Variants in ST6GALNAC6 observed in about 807,000 individuals in gnomAD.
ST6GALNAC6 encodes the protein alpha-N-acetylgalactosaminide alpha-2,6-sialyltransferase 6.
In ST6GALNAC6, 19 loss-of-function variants were observed where a neutral mutation model predicts 34.3. That is an observed-to-expected ratio of 0.55 (90% confidence interval 0.39 to 0.81). ST6GALNAC6 has a LOEUF of 0.81. Among genes scored for constraint, ST6GALNAC6 ranks in the 40% least tolerant of loss-of-function variants. The pLI is 0.00. For synonymous variants in ST6GALNAC6, 185 were observed against 182.1 expected, an observed-to-expected ratio of 1.02 and a Z score of -0.13; for missense variants, 377 against 467.7, an observed-to-expected ratio of 0.81 and a Z score of 1.79.
rs1829729865 is a variant in ST6GALNAC6, at chr9:127,885,924, GGGA to G, written c.*672_*674del. ...GATAGTGGCTGGGAGGGTCCAGACG[GGGA>G]GGACAGACCCGAGGGCACTTGTAGG... On this transcript the variant is annotated 3_prime_UTR_variant, in exon 7 of 7. Coordinates refer to ENST00000373146, the MANE Select transcript of ST6GALNAC6 (RefSeq NM_013443.5). 6.6e-6 allele frequency: 1 copy of G among 152,360 alleles called. No homozygotes were observed. The highest frequency in any genetic ancestry group is 2.4e-5 in the African/African-American group (1 of 41,406). The allele number at this position is 152,360 out of a possible 1,614,324, so 9.4% of individuals were successfully genotyped here.
chr9:127,891,832 G>A (rs1588642373), intron 4 of ST6GALNAC6, among the ~76,000 whole-genome samples: 1 of 151,050 alleles, frequency 6.6e-6, no homozygotes. Context: ...ACCAAAGAGC[G>A]ACTGCAGCCA....
upstream of ST6GALNAC6, among the ~76,000 whole-genome samples, chr9:127,901,786 A>T (rs1294821889): frequency 6.6e-6 from 1 of 152,164 alleles, no homozygotes; most frequent in Admixed American, 6.5e-5. Flanking sequence ...ATACAAAATT[A>T]GCCAGGTGTG....
At position 127,887,531 on chromosome 9, in the gene ST6GALNAC6, C is replaced by T; in HGVS notation, c.765G>A (p.Leu255=). 1.2e-5 allele frequency: 19 copies of T among 1,613,104 alleles called. No homozygotes were observed. The highest frequency in any genetic ancestry group is 1.6e-5 in the Non-Finnish European group (19 of 1,179,578). ...TGCCATAGACATGCACGTGGTCACA[C>T]AACTCCACCGCGATCACCATGGTAA... The part of the protein sequence containing the change: ...GWFTMVIAVE[L]CDHVHVYGMV... The change falls in exon 6 of 7, where the codon TTG becomes TTA. Residue 255 remains leucine, a synonymous_variant. Transcript: ENST00000373146.
intron 2 of ST6GALNAC6, 48 bp from the exon 3 acceptor site, chr9:127,896,380 A>T (rs1283367516): frequency 1.3e-6 from 2 of 1,510,766 alleles, no homozygotes; most frequent in Admixed American, 3.6e-5. Context: ...CTTTGGGTCC[A>T]GCAAGCCAAA....
Position 127,886,553 on chromosome 9 carries a change from G to A in ST6GALNAC6, c.*46C>T, listed in dbSNP as rs1241157496. 11 of 1,606,866 alleles carry A rather than the reference G, an allele frequency of 6.8e-6. No homozygotes were observed. Among genetic ancestry groups the A allele is most frequent in the East Asian group, 6.7e-5 (3 of 44,770 alleles). ...GTCCCTGGCCTAGCGGCTGGGCGGA[G>A]GCTGCTTCTCCTCTGACCCTCCTGA... is the stretch of plus-strand genomic sequence containing the variant. On this transcript the variant is annotated 3_prime_UTR_variant, in exon 7 of 7. Transcript: ENST00000373146.
chr9:127,894,827 C>T (rs1588649532), intron 3 of ST6GALNAC6, 136 bp from the exon 4 acceptor site: 2 of 829,406 alleles, frequency 2.4e-6, no homozygotes, highest in East Asian at 5.2e-5. Context: ...TCCAGGAAGG[C>T]CTCCTTCAGC....
chr9:127,888,802 T>C (rs1829953993), intron 5 of ST6GALNAC6, among the ~76,000 whole-genome samples: 1 of 125,942 alleles, frequency 7.9e-6, no homozygotes, highest in Non-Finnish European at 1.7e-5. Flanking sequence ...CAAGACTCCA[T>C]CTCAAAACAA....
At chr9:127,902,390 A>ACCTAGGTGATCCGC (rs1830788788), upstream of ST6GALNAC6, among the ~76,000 whole-genome samples, 1 of 151,912 alleles carries the variant, frequency 6.6e-6, no homozygotes, top group Non-Finnish European at 1.5e-5. Flanking sequence ...CGAACTCTCG[A>ACCTAGGTGATCCGC]CCTAGGTGAT....
At chr9:127,889,659 G>A (rs1175492159) in intron 5 of ST6GALNAC6, among the ~76,000 whole-genome samples, 1 of 151,862 alleles carries the variant, frequency 6.6e-6, no homozygotes, top group African/African-American at 2.4e-5. Flanking sequence ...TGGCCAGGCT[G>A]GTCTCAAACT....
rs903009481 is a variant in ST6GALNAC6, at chr9:127,891,153, G to A, written c.298-110C>T. Reference sequence around the variant, plus strand: ...ATTGTTATGCCCATTTTAAAGACAGGGAAACTGAGCCCATTCATTCCACAT... The same window carrying A: ...ATTGTTATGCCCATTTTAAAGACAGAGAAACTGAGCCCATTCATTCCACAT... On this transcript the variant is annotated intron_variant, in intron 4 of 6. Transcript: ENST00000373146. 2.3e-6 allele frequency: 3 copies of A among 1,302,500 alleles called. No homozygotes were observed. In the African/African-American group the frequency reaches 4.5e-5, roughly 19 times the overall value. The allele number at this position is 1,302,500 out of a possible 1,614,324, so 80.7% of individuals were successfully genotyped here. A position where few individuals can be genotyped will look rare whatever the true frequency, so the allele number is the denominator to read the frequency against.
chr9:127,887,433 C>A, intron 6 of ST6GALNAC6, 51 bp downstream of exon 6: 1 of 1,489,844 alleles, frequency 6.7e-7, no homozygotes, highest in Non-Finnish European at 9.3e-7. Flanking sequence ...CTCCATCCTG[C>A]GGCCAGTGCC....
intron 2 of ST6GALNAC6, among the ~76,000 whole-genome samples, chr9:127,896,679 C>T (rs1830475827): frequency 6.6e-6 from 1 of 152,210 alleles, no homozygotes; most frequent in Non-Finnish European, 1.5e-5. Context: ...CCTTGGGTCC[C>T]TGTGGTGTCA....
At chr9:127,899,447 C>G in intron 1 of ST6GALNAC6, 56 bp downstream of exon 1, 1 of 805,798 alleles carries the variant, frequency 1.2e-6, no homozygotes, top group East Asian at 1.3e-4. Flanking sequence ...CCCTCCGCCC[C>G]AGCCCCCGCC....
intron 5 of ST6GALNAC6, among the ~76,000 whole-genome samples, chr9:127,888,046 G>A (rs749403995): frequency 7.2e-5 from 11 of 152,180 alleles, no homozygotes; most frequent in Non-Finnish European, 1.6e-4. Context: ...CACTACAGTG[G>A]CCACCAGCCA....
Position 127,886,749 on chromosome 9 carries a change from G to T in ST6GALNAC6, c.852C>A (p.Tyr284Ter). Reference sequence around the variant, plus strand: ...CACATTCGTCCGGCCCCTTGGGCTCGTAGTAGTGGTAGGGCATGCGCTGGA... The same window carrying T: ...CACATTCGTCCGGCCCCTTGGGCTCTTAGTAGTGGTAGGGCATGCGCTGGA... ...PRLQRMPYHY[Y>*]EPKGPDECVT... Residue 284 changes from tyrosine to a stop codon, truncating the protein, a stop_gained, in exon 7 of 7, where the codon TAC becomes TAA. Transcript: ENST00000373146. LOFTEE classifies it high-confidence loss of function. The T allele has an allele frequency of 6.2e-7, 1 of 1,612,736 alleles. No homozygotes were observed. The highest frequency in any genetic ancestry group is 1.1e-5 in the South Asian group (1 of 91,008).
upstream of ST6GALNAC6, chr9:127,905,996 C>T: frequency 3.0e-6 from 3 of 985,706 alleles, no homozygotes; most frequent in Non-Finnish European, 3.6e-6. Context: ...CCAGCCTGCT[C>T]CTTGCTTCGC....
Position 127,886,456 on chromosome 9 carries a change from G to A in ST6GALNAC6, c.*143C>T. The A allele has an allele frequency of 6.9e-7, 1 of 1,450,914 alleles. No homozygotes were observed. The highest frequency in any genetic ancestry group is 2.8e-5 in the Admixed American group (1 of 35,894). 89.9% of individuals were successfully genotyped at this position (1,450,914 alleles called of 1,614,324 possible). On this transcript the variant is annotated 3_prime_UTR_variant, in exon 7 of 7. Transcript: ENST00000373146. ...CAGATTCCCCAGGCCCTGATTGGCT[G>A]GAGGATACATCCTCCTCAAGGCCCT...
Position 127,890,607 on chromosome 9 carries a change from G to C in ST6GALNAC6, c.704+30C>G. Reference sequence around the variant, plus strand: ...GCATGCTGAGAAGGAGCACAGTGCTGGCCAGAGGGGGCAGGCAGGAGGCTG... The same window carrying C: ...GCATGCTGAGAAGGAGCACAGTGCTCGCCAGAGGGGGCAGGCAGGAGGCTG... On this transcript the variant is annotated intron_variant, in intron 5 of 6. Transcript: ENST00000373146. The surrounding 1 kb of genome is among the most constrained non-coding windows in gnomAD (Gnocchi z 4.3). 1 of 1,612,604 alleles carries C rather than the reference G, an allele frequency of 6.2e-7. No individual in the cohort carries two copies. Among genetic ancestry groups the C allele is most frequent in the Non-Finnish European group, 8.5e-7 (1 of 1,179,826 alleles).
chr9:127,895,842 G>A (rs1246546420), intron 3 of ST6GALNAC6, among the ~76,000 whole-genome samples: 1 of 152,024 alleles, frequency 6.6e-6, no homozygotes, highest in African/African-American at 2.4e-5. Flanking sequence ...AAGAATGATG[G>A]GGAATCCTGA....
Sources: gnomAD v4.1 joint callset for allele counts (sites outside exome capture counted in the v4.1 genomes callset) on GRCh38, gnomAD v4.1.1 for gene constraint, Gnocchi (gnomAD v3.1) non-coding constraint, MANE v1.5 for transcripts, NCBI Gene and HGNC (gene_info 2026-07-23, HGNC 2026-07-21) for gene names.